Variants in NARS2 observed in about 807,000 individuals in gnomAD.
NARS2 encodes the protein asparaginyl-tRNA synthetase.
NARS2 carries 60 observed loss-of-function variants against 62.9 expected under a neutral mutation model. That is an observed-to-expected ratio of 0.95 (90% CI 0.77 to 1.18). NARS2 has a LOEUF of 1.18. Among genes scored for constraint, NARS2 ranks in the 50% most tolerant of loss-of-function variants. The pLI is 0.00. For missense variants in NARS2, 619 were observed against 576.4 expected (o/e 1.07, Z -0.76); for synonymous variants, 196 against 200.0 (o/e 0.98, Z 0.17).
intron 9 of NARS2, among the ~76,000 whole-genome samples, chr11:78,471,114 A>G (rs1479384885): frequency 6.6e-6 from 1 of 152,170 alleles, no homozygotes; most frequent in African/African-American, 2.4e-5. Context: ...AAATCTAGTA[A>G]TAACAATAGG....
At chr11:78,454,360 C>T (rs994395848) in intron 11 of NARS2, among the ~76,000 whole-genome samples, 23 of 152,150 alleles carry the variant, frequency 1.5e-4, no homozygotes, top group South Asian at 4.1e-4. Context: ...TCATGAATGG[C>T]GTTGTGCCAT....
chr11:78,455,243 C>A (rs1442723773), intron 11 of NARS2, among the ~76,000 whole-genome samples: 1 of 152,150 alleles, frequency 6.6e-6, no homozygotes, highest in East Asian at 1.9e-4. Flanking sequence ...CTTGTCTAGC[C>A]ATCTTTATCA....
chr11:78,540,276 GA>G (rs1171599761), intron 5 of NARS2, among the ~76,000 whole-genome samples: 4 of 152,112 alleles, frequency 2.6e-5, no homozygotes, highest in Non-Finnish European at 4.4e-5. Context: ...GGATTTCCAA[GA>G]AAATATTAAA....
chr11:78,520,607 C>T (rs1236717602), intron 6 of NARS2, among the ~76,000 whole-genome samples: 1 of 152,144 alleles, frequency 6.6e-6, no homozygotes, highest in Non-Finnish European at 1.5e-5. Context: ...ATTTTAACAA[C>T]AGAATAAAGC....
chr11:78,518,024 C>T (rs1284551445), intron 6 of NARS2, among the ~76,000 whole-genome samples: 1 of 152,088 alleles, frequency 6.6e-6, no homozygotes, highest in African/African-American at 2.4e-5. Context: ...GACTTAACTC[C>T]CATTGTGGGC....
intron 9 of NARS2, among the ~76,000 whole-genome samples, chr11:78,476,416 G>A (rs1225197024): frequency 6.6e-6 from 1 of 152,200 alleles, no homozygotes; most frequent in Non-Finnish European, 1.5e-5. Context: ...TTAACTGTGT[G>A]CCAAGGGGAA....
chr11:78,515,353 G>C (rs1221402046), intron 6 of NARS2, among the ~76,000 whole-genome samples: 2 of 152,132 alleles, frequency 1.3e-5, no homozygotes, highest in East Asian at 1.9e-4. Flanking sequence ...CCCACTCCCA[G>C]GGGTTCTGAT....
chr11:78,476,100 G>T (rs983713430), intron 9 of NARS2, among the ~76,000 whole-genome samples: 1 of 152,198 alleles, frequency 6.6e-6, no homozygotes, highest in East Asian at 1.9e-4. Flanking sequence ...AGGTGGGGTG[G>T]CTGCCCTGTA....
intron 5 of NARS2, among the ~76,000 whole-genome samples, chr11:78,543,145 T>C: frequency 6.6e-6 from 1 of 152,064 alleles, no homozygotes; most frequent in East Asian, 1.9e-4. Context: ...GCCACTGCAC[T>C]CTAGCCTGGG....
intron 5 of NARS2, among the ~76,000 whole-genome samples, chr11:78,546,295 T>C (rs574500056): frequency 2.9e-4 from 44 of 152,186 alleles, no homozygotes; most frequent in Non-Finnish European, 4.4e-4. Flanking sequence ...CAGTACCTCT[T>C]ACACAGATGC....
At chr11:78,557,440 T>C (rs1453521557) in intron 5 of NARS2, among the ~76,000 whole-genome samples, 1 of 152,136 alleles carries the variant, frequency 6.6e-6, no homozygotes. Flanking sequence ...TTTCAAAGGA[T>C]AGAGGGTTGG....
At chr11:78,450,390 T>A (rs915564579) in intron 11 of NARS2, among the ~76,000 whole-genome samples, 3 of 152,184 alleles carry the variant, frequency 2.0e-5, no homozygotes, top group Admixed American at 2.0e-4. Context: ...ACTATATCTT[T>A]ACTTGGTACT....
At chr11:78,528,359 GA>G (rs1356369348) in intron 6 of NARS2, among the ~76,000 whole-genome samples, 18 of 152,254 alleles carry the variant, frequency 1.2e-4, no homozygotes, top group African/African-American at 4.3e-4. Context: ...TGACTTTCCA[GA>G]GGTCTGACAG....
At chr11:78,478,548 A>G in intron 8 of NARS2, 37 bp downstream of exon 8, 1 of 1,379,040 alleles carries the variant, frequency 7.3e-7, no homozygotes. Context: ...CACATTAAAC[A>G]GTAGATGTAT....
intron 12 of NARS2, among the ~76,000 whole-genome samples, chr11:78,442,473 G>C (rs183411227): frequency 1.3e-5 from 2 of 152,260 alleles, no homozygotes; most frequent in African/African-American, 4.8e-5. Flanking sequence ...CCTTGAAAAA[G>C]CATCAACTTT....
At chr11:78,460,520 C>T (rs1858353809) in intron 11 of NARS2, among the ~76,000 whole-genome samples, 1 of 151,988 alleles carries the variant, frequency 6.6e-6, no homozygotes, top group African/African-American at 2.4e-5. Context: ...GTATCTTAAT[C>T]TGAAAAGGTA....
chr11:78,521,659 G>A (rs1235608870), intron 6 of NARS2, among the ~76,000 whole-genome samples: 7 of 151,638 alleles, frequency 4.6e-5, no homozygotes, highest in African/African-American at 1.5e-4. Flanking sequence ...GCGTAGTGGC[G>A]GGTGCCTGTA....
rs1313574201 is a variant in NARS2 at position 78,436,065 on chromosome 11, A to G, written c.*605T>C. The G allele has an allele frequency of 6.6e-6, 1 of 152,232 alleles. No homozygotes were observed. The allele number at this position is 152,232 out of a possible 1,614,324, so 9.4% of individuals were successfully genotyped here. The stretch of plus-strand genomic sequence containing the variant: ...TTAAAGAGTTGAAATACTTAATGTA[A>G]TATCTCAACAGCTTTGAAAATTGAA... On this transcript the variant is annotated 3_prime_UTR_variant, in exon 14 of 14. Transcript: ENST00000281038.
chr11:78,497,589 A>C (rs1449200587), intron 6 of NARS2, among the ~76,000 whole-genome samples: 2 of 152,214 alleles, frequency 1.3e-5, no homozygotes, highest in Non-Finnish European at 2.9e-5. Flanking sequence ...CTGGATTTTA[A>C]AAGTTTTTGC....
Sources: gnomAD v4.1 joint callset for allele counts (sites outside exome capture counted in the v4.1 genomes callset) on GRCh38, gnomAD v4.1.1 for gene constraint, MANE v1.5 for transcripts, NCBI Gene and HGNC (gene_info 2026-07-23, HGNC 2026-07-21) for gene names.